The following VEPH1 variants were observed in gnomAD, a reference collection of about 807,000 sequenced individuals.
VEPH1 encodes the protein ventricular zone-expressed PH domain-containing protein homolog 1.
In VEPH1, 80 loss-of-function variants were observed where a neutral mutation model predicts 85.2. The observed-to-expected ratio is 0.94, with a 90% confidence interval of 0.78 to 1.13. VEPH1 has a LOEUF of 1.13. VEPH1 is among the 50% of genes most tolerant of loss of function. The probability of loss-of-function intolerance (pLI) is 0.00; values close to 1 mark genes in which losing one functional copy is unlikely to be tolerated. For synonymous variants in VEPH1, 297 were observed against 348.0 expected (o/e 0.85, Z 1.63); for missense variants, 955 against 980.5 (o/e 0.97, Z 0.35).
intron 9 of VEPH1, chr3:157,363,160 A>G (rs1285623016): frequency 2.2e-6 from 1 of 462,714 alleles, no homozygotes; most frequent in Non-Finnish European, 3.7e-6. Flanking sequence ...TGTGCACCCA[A>G]GTAGATTCAA....
chr3:157,277,067 T>G (rs1392379774), intron 12 of VEPH1, among the ~76,000 whole-genome samples: 1 of 152,084 alleles, frequency 6.6e-6, no homozygotes, highest in Non-Finnish European at 1.5e-5. Context: ...ATTTTTGTAT[T>G]TTTCGTAGAT....
chr3:157,341,875 A>T lies in VEPH1; in HGVS notation c.1735+21489T>A, dbSNP rs577609272. 3.5e-3 allele frequency among the ~76,000 whole-genome samples: 533 copies of T among 152,210 alleles called. 4 individuals carry two copies. The highest frequency in any genetic ancestry group is 0.012 in the African/African-American group (493 of 41,560). On this transcript the variant is annotated intron_variant, in intron 9 of 13. Coordinates refer to ENST00000362010, the MANE Select transcript of VEPH1 (RefSeq NM_001167912.2). ...AAGAGAGTGGGGGCCAATATTCAAC[A>T]TTCTTAAAGAAAAGAATTTTCAACC...
chr3:157,442,498 C>A, intron 4 of VEPH1: 1 of 1,614,148 alleles, frequency 6.2e-7, no homozygotes, highest in Non-Finnish European at 8.5e-7. Context: ...TTAAACAAAA[C>A]CATCCTGTTT....
At chr3:157,386,746 C>T (rs994950818) in intron 6 of VEPH1, among the ~76,000 whole-genome samples, 9 of 152,152 alleles carry the variant, frequency 5.9e-5, no homozygotes, top group Non-Finnish European at 4.4e-5. Flanking sequence ...GTCCTGCAAA[C>T]GTGTGGTGGT....
At chr3:157,430,882 T>C (rs1182993366) in intron 4 of VEPH1, among the ~76,000 whole-genome samples, 1 of 152,226 alleles carries the variant, frequency 6.6e-6, no homozygotes, top group Non-Finnish European at 1.5e-5. Context: ...ATTTCTGTAG[T>C]TCAGAAGTCT....
intron 7 of VEPH1, among the ~76,000 whole-genome samples, chr3:157,370,148 A>C (rs76070197): frequency 0.011 from 1,649 of 152,314 alleles, 32 homozygotes; most frequent in East Asian, 0.043. Flanking sequence ...TTAAAAGTAC[A>C]TCTAGGGATT....
intron 5 of VEPH1, among the ~76,000 whole-genome samples, chr3:157,418,052 G>C (rs1376983863): frequency 6.6e-6 from 1 of 152,156 alleles, no homozygotes; most frequent in Non-Finnish European, 1.5e-5. Flanking sequence ...TGTCGGCATG[G>C]CTTGTTCTCA....
At chr3:157,281,381 A>G (rs1716095694) in intron 12 of VEPH1, among the ~76,000 whole-genome samples, 1 of 152,208 alleles carries the variant, frequency 6.6e-6, no homozygotes, top group Non-Finnish European at 1.5e-5. Context: ...TAGTCCCAGT[A>G]TATCAGTGTG....
At chr3:157,374,362 A>T (rs1222507553) in intron 7 of VEPH1, among the ~76,000 whole-genome samples, 1 of 152,248 alleles carries the variant, frequency 6.6e-6, no homozygotes, top group Non-Finnish European at 1.5e-5. Flanking sequence ...TTTCCTAAGC[A>T]GGGGGCAATG....
chr3:157,443,048 T>C, intron 4 of VEPH1: 1 of 1,519,750 alleles, frequency 6.6e-7, no homozygotes, highest in Non-Finnish European at 8.8e-7. Context: ...GTTGGGAAGG[T>C]CTGAAAACTC....
chr3:157,289,807 G>C (rs1717248761), intron 11 of VEPH1, among the ~76,000 whole-genome samples: 2 of 152,142 alleles, frequency 1.3e-5, no homozygotes, highest in South Asian at 4.2e-4. Flanking sequence ...CTCCAGAAAA[G>C]TGATAAAAAT....
intron 2 of VEPH1, among the ~76,000 whole-genome samples, chr3:157,481,818 C>T (rs1429291773): frequency 6.6e-6 from 1 of 152,176 alleles, no homozygotes; most frequent in East Asian, 1.9e-4. Context: ...CATTCTTCTG[C>T]ATATGGCTAG....
intron 11 of VEPH1, among the ~76,000 whole-genome samples, chr3:157,295,174 A>G (rs954571103): frequency 6.6e-6 from 1 of 152,358 alleles, no homozygotes; most frequent in Middle Eastern, 3.4e-3. Flanking sequence ...CAACTGAGGC[A>G]AAAGGAAACT....
intron 11 of VEPH1, among the ~76,000 whole-genome samples, chr3:157,302,899 C>T (rs775242272): frequency 1.4e-5 from 2 of 138,154 alleles, no homozygotes; most frequent in Admixed American, 7.6e-5. Flanking sequence ...GTGTGACCAT[C>T]CACTGTGATA....
intron 11 of VEPH1, among the ~76,000 whole-genome samples, chr3:157,297,015 C>A (rs918591414): frequency 6.6e-6 from 1 of 152,050 alleles, no homozygotes; most frequent in Non-Finnish European, 1.5e-5. Flanking sequence ...CACCTGTAAT[C>A]CCAGCATATT....
At chr3:157,313,573 CAATCTT>C (rs1720380233) in intron 11 of VEPH1, 42 bp downstream of exon 11, 1 of 1,578,594 alleles carries the variant, frequency 6.3e-7, no homozygotes, top group Non-Finnish European at 8.6e-7. Flanking sequence ...TGTTTCAAGA[CAATCTT>C]AAATCTTGGC....
At chr3:157,450,048 C>CTTTTTTTTT (rs761761440) in intron 4 of VEPH1, among the ~76,000 whole-genome samples, 3 of 77,322 alleles carry the variant, frequency 3.9e-5, no homozygotes, top group East Asian at 4.4e-4. Flanking sequence ...AGAATATTTA[C>CTTTTTTTTT]TTTTTTTTTT....
At chr3:157,294,729 T>C (rs879610023) in intron 11 of VEPH1, among the ~76,000 whole-genome samples, 8 of 152,232 alleles carry the variant, frequency 5.3e-5, no homozygotes, top group Non-Finnish European at 1.0e-4. Flanking sequence ...GAAAATATTT[T>C]TGTGTTTCTG....
intron 2 of VEPH1, among the ~76,000 whole-genome samples, chr3:157,471,968 A>T (rs916150234): frequency 9.2e-5 from 14 of 152,188 alleles, no homozygotes; most frequent in African/African-American, 3.4e-4. Flanking sequence ...TCGTACAAAA[A>T]TTCAAAAGAT....
Sources: allele counts gnomAD v4.1 joint callset (sites outside exome capture counted in the v4.1 genomes callset), GRCh38; gene constraint gnomAD v4.1.1; transcripts MANE v1.5; gene names NCBI Gene and HGNC (gene_info 2026-07-23, HGNC 2026-07-21).